BORA: variants seen among roughly 807,000 people sequenced by gnomAD.
The protein encoded by BORA is BORA aurora kinase A activator.
Under a neutral mutation model 55.8 loss-of-function variants are expected in BORA, and 26 were observed. The ratio of observed to expected loss-of-function variants is 0.47; its 90% confidence interval spans 0.34 to 0.65. BORA has a LOEUF of 0.65. Ranked by LOEUF, BORA falls within the 30% of genes least tolerant of loss-of-function variation. BORA has a pLI of 0.01. For missense variants in BORA, 568 were observed against 671.5 expected, an observed-to-expected ratio of 0.85 and a Z score of 1.70; for synonymous variants, 201 against 216.9, an observed-to-expected ratio of 0.93 and a Z score of 0.64.
At chr13:72,743,051 A>G (rs1174906838) in intron 5 of BORA, among the ~76,000 whole-genome samples, 1 of 152,110 alleles carries the variant, frequency 6.6e-6, no homozygotes, top group Non-Finnish European at 1.5e-5. Context: ...AAGGGTACAA[A>G]GTTTCAGTTA....
At chr13:72,737,063 A>T (rs912224280) in intron 4 of BORA, among the ~76,000 whole-genome samples, 3 of 151,970 alleles carry the variant, frequency 2.0e-5, no homozygotes, top group African/African-American at 7.2e-5. Flanking sequence ...TGTCATATGT[A>T]TAGCAAAATA....
At chr13:72,728,134 A>G (rs1416191734) in intron 1 of BORA, 127 bp downstream of exon 1, 7 of 1,304,440 alleles carry the variant, frequency 5.4e-6, no homozygotes, top group Non-Finnish European at 7.6e-6. Context: ...TAGGTGTGGA[A>G]GAGAGGGGCA....
Position 72,746,925 on chromosome 13 carries a change from T to C in BORA, c.1296T>C (p.Thr432=), listed in dbSNP as rs759932626. 1 of 1,614,112 alleles carries C rather than the reference T, an allele frequency of 6.2e-7. No homozygotes were observed. Among genetic ancestry groups the C allele is most frequent in the African/African-American group, 1.3e-5 (1 of 75,056 alleles). ...QDVEREKDNN[T]VDMVDPIEIA... ...TTGAAAGGGAGAAAGACAATAACACTGTGGATATGGTTGATCCTATAGAGA... is the reference window on the plus strand; with the variant it reads ...TTGAAAGGGAGAAAGACAATAACACCGTGGATATGGTTGATCCTATAGAGA... The change falls in exon 10 of 12, where the codon ACT becomes ACC. Residue 432 remains threonine (T), a synonymous_variant. Coordinates refer to ENST00000390667, the MANE Select transcript of BORA (RefSeq NM_024808.5).
rs966732733 is a variant in BORA, at chr13:72,745,345, G to C, written c.738+138G>C. 3 of 701,652 alleles carry C rather than the reference G, an allele frequency of 4.3e-6. No individual in the cohort carries two copies. In the African/African-American group the frequency reaches 5.4e-5, roughly 13 times the overall value. 43.5% of individuals were successfully genotyped at this position (701,652 alleles called of 1,614,324 possible). A position where few individuals can be genotyped will look rare whatever the true frequency, so the allele number is the denominator to read the frequency against. ...CTCTAGTAAATAAGTGGAAAAGAGGGATGAGGAAGGGCCTTTACTGGCCTA... is the reference window on the plus strand; with the variant it reads ...CTCTAGTAAATAAGTGGAAAAGAGGCATGAGGAAGGGCCTTTACTGGCCTA... On this transcript the variant is annotated intron_variant, in intron 8 of 11. Transcript: ENST00000390667.
rs67866253 is a variant in BORA, at chr13:72,742,767, TACACACACACACACAC to T, written c.389-740_389-725del. On this transcript the variant is annotated intron_variant, in intron 5 of 11. Transcript: ENST00000390667. ...TTTTAAAATGTGATATATATATATA[TACACACACACACACAC>T]ACACACACACACACACACACACACA... is the stretch of plus-strand genomic sequence containing the variant. Among the ~76,000 whole-genome samples the T allele has an allele frequency of 7.1e-3, 1,008 of 141,722 alleles. 6 individuals carry two copies. The highest frequency in any genetic ancestry group is 0.022 in the African/African-American group (836 of 37,842). 93.0% of individuals were successfully genotyped at this position (141,722 alleles called of 152,430 possible).
chr13:72,753,522 G>GACTACCTTTTATATTTGTGCATT, intron 10 of BORA, 168 bp from the exon 11 acceptor site: 1 of 639,538 alleles, frequency 1.6e-6, no homozygotes, highest in South Asian at 2.2e-5. Context: ...TACTATGCAG[G>GACTACCTTTTATATTTGTGCATT]ACTACCTTTT....
At chr13:72,738,076 C>A (rs1396806909) in intron 5 of BORA, 33 bp downstream of exon 5, 4 of 1,490,568 alleles carry the variant, frequency 2.7e-6, no homozygotes, top group Middle Eastern at 1.8e-4. Flanking sequence ...GAATAAAAAT[C>A]AAAAAAGTCG....
chr13:72,742,727 A>G (rs2033056996), intron 5 of BORA, among the ~76,000 whole-genome samples: 1 of 151,734 alleles, frequency 6.6e-6, no homozygotes, highest in East Asian at 1.9e-4. Context: ...GTGTCCATCA[A>G]CAGATGAATG....
Position 72,746,830 on chromosome 13 carries a change from G to GT in BORA, c.1202dup (p.Thr402AspfsTer14). 3 of 1,614,166 alleles carry GT rather than the reference G, an allele frequency of 1.9e-6. No homozygotes were observed. The highest frequency in any genetic ancestry group is 2.5e-6 in the Non-Finnish European group (3 of 1,180,004). On this transcript the variant is annotated frameshift_variant, in exon 10 of 12. Coordinates refer to ENST00000390667, the MANE Select transcript of BORA (RefSeq NM_024808.5). LOFTEE classifies it high-confidence loss of function. ...TTCTACCCATGGTACACATTTGGTT[G>GT]TGACTGCCATGTCTGTTACACAAAA...
chr13:72,755,929 A>G lies in BORA; in HGVS notation c.*713A>G, dbSNP rs1484277457. 1 of 398,444 alleles carries G rather than the reference A, an allele frequency of 2.5e-6. No individual in the cohort carries two copies. Among genetic ancestry groups the G allele is most frequent in the Non-Finnish European group, 4.4e-6 (1 of 226,062 alleles). 24.7% of individuals were successfully genotyped at this position (398,444 alleles called of 1,614,324 possible). A position where few individuals can be genotyped will look rare whatever the true frequency, so the allele number is the denominator to read the frequency against. Reference sequence around the variant, plus strand: ...CTTTCCAGCTCAAACGTGGGTAGGGATGTGGGAGAATAAGAATGTGGGAGA... The same window carrying G: ...CTTTCCAGCTCAAACGTGGGTAGGGGTGTGGGAGAATAAGAATGTGGGAGA... On this transcript the variant is annotated 3_prime_UTR_variant, in exon 12 of 12. Coordinates refer to ENST00000390667, the MANE Select transcript of BORA (RefSeq NM_024808.5).
rs1566231229 is a variant in BORA, at chr13:72,753,835, A to T, written c.1614+14A>T. On this transcript the variant is annotated intron_variant, in intron 11 of 11. Transcript: ENST00000390667. ...TTTAATATGAAGGTACGGAGAAAAT[A>T]TAGTGAAAGCTTAATATTGTTTAGA... The T allele has an allele frequency of 6.2e-7, 1 of 1,602,602 alleles. No individual in the cohort carries two copies. Among genetic ancestry groups the T allele is most frequent in the African/African-American group, 1.3e-5 (1 of 74,746 alleles).
intron 10 of BORA, among the ~76,000 whole-genome samples, chr13:72,748,445 T>C (rs7321082): frequency 0.1 from 15,840 of 152,192 alleles, 2,277 homozygotes; most frequent in African/African-American, 0.33. Context: ...ACACCAACTC[T>C]ATAAGGCTTT....
chr13:72,747,600 C>G (rs2138095927), intron 10 of BORA, among the ~76,000 whole-genome samples: 1 of 151,928 alleles, frequency 6.6e-6, no homozygotes, highest in South Asian at 2.1e-4. Flanking sequence ...GTGGTGTGAT[C>G]TTGGCTCAGT....
At position 72,747,049 on chromosome 13, in the gene BORA, C is replaced by G; in HGVS notation, c.1420C>G (p.His474Asp). 6.2e-7 allele frequency: 1 copy of G among 1,614,022 alleles called. No individual in the cohort carries two copies. The highest frequency in any genetic ancestry group is 8.5e-7 in the Non-Finnish European group (1 of 1,179,954). ...SGIAFSIENS[H>D]MCMSPLAESS... ...CATTGCCTTCAGTATTGAAAACTCT[C>G]ATATGTGCATGTCACCTCTTGCTGA... The change falls in exon 10 of 12, where the codon CAT (histidine) becomes GAT (aspartate). Residue 474 changes from histidine to aspartate, a missense_variant. Transcript: ENST00000390667.
chr13:72,738,207 A>T (rs1290051233), intron 5 of BORA, among the ~76,000 whole-genome samples, 164 bp downstream of exon 5: 1 of 152,202 alleles, frequency 6.6e-6, no homozygotes, highest in African/African-American at 2.4e-5. Flanking sequence ...AATTTGACTA[A>T]AATTTATTGA....
At chr13:72,749,022 G>A (rs1271303367) in intron 10 of BORA, among the ~76,000 whole-genome samples, 2 of 151,954 alleles carry the variant, frequency 1.3e-5, no homozygotes, top group African/African-American at 4.8e-5. Context: ...TTACTCTCTG[G>A]GCCATAACAT....
At chr13:72,750,807 A>G (rs1457044787) in intron 10 of BORA, among the ~76,000 whole-genome samples, 1 of 152,124 alleles carries the variant, frequency 6.6e-6, no homozygotes, top group East Asian at 1.9e-4. Context: ...TCAAATGGTG[A>G]TCTGTTTTAT....
At chr13:72,743,707 T>TC in intron 6 of BORA, 105 bp downstream of exon 6, 2 of 812,858 alleles carry the variant, frequency 2.5e-6, no homozygotes, top group Non-Finnish European at 3.6e-6. Context: ...TGAAATTGTT[T>TC]CCTTTTTTTT....
At chr13:72,753,590 C>A in intron 10 of BORA, 100 bp from the exon 11 acceptor site, 4 of 1,219,106 alleles carry the variant, frequency 3.3e-6, no homozygotes, top group Non-Finnish European at 3.5e-6. Flanking sequence ...ATGTTAGGAT[C>A]ATTCAGATGT....
Sources: allele counts gnomAD v4.1 joint callset (sites outside exome capture counted in the v4.1 genomes callset), GRCh38; gene constraint gnomAD v4.1.1; transcripts MANE v1.5; gene names NCBI Gene and HGNC (gene_info 2026-07-23, HGNC 2026-07-21).